Variants in LSM2 observed in about 807,000 individuals in gnomAD.
LSM2 encodes the protein U6 snRNA-associated Sm-like protein LSm2.
LSM2 carries 12 observed loss-of-function variants against 17.0 expected under a neutral mutation model. The observed-to-expected ratio is 0.70, with a 90% CI of 0.45 to 1.14. LSM2 has a LOEUF of 1.14. LSM2 is among the 50% of genes most tolerant of loss of function. The pLI is 0.00. For synonymous variants in LSM2, 42 were observed against 44.5 expected (o/e 0.94, Z 0.22); for missense variants, 62 against 111.8 (o/e 0.55, Z 2.01).
chr6:31,804,769 T>C (rs1011862013), intron 2 of LSM2, among the ~76,000 whole-genome samples: 90 of 125,824 alleles, frequency 7.2e-4, no homozygotes, highest in Non-Finnish European at 8.3e-4. Flanking sequence ...TTTTCTTTTT[T>C]TTTTTTTTTT....
At chr6:31,798,284 T>C (rs1814504592) in intron 3 of LSM2, among the ~76,000 whole-genome samples, 193 bp downstream of exon 3, 2 of 152,118 alleles carry the variant, frequency 1.3e-5, no homozygotes, top group Admixed American at 6.6e-5. Context: ...GGTTTCACCA[T>C]GTTTGTCAGG....
At chr6:31,799,101 G>A (rs2151443970) in intron 2 of LSM2, among the ~76,000 whole-genome samples, 1 of 152,196 alleles carries the variant, frequency 6.6e-6, no homozygotes, top group South Asian at 2.1e-4. Flanking sequence ...ATTCTATATA[G>A]TATTTGTAAT....
At chr6:31,805,956 C>A in intron 2 of LSM2, 119 bp downstream of exon 2, 2 of 845,464 alleles carry the variant, frequency 2.4e-6, no homozygotes, top group Admixed American at 2.4e-5. Flanking sequence ...GCACCCTATC[C>A]ATTTATTTCT....
chr6:31,803,730 AAC>A (rs1814848319), intron 2 of LSM2, among the ~76,000 whole-genome samples: 2 of 152,006 alleles, frequency 1.3e-5, no homozygotes, highest in Admixed American at 1.3e-4. Context: ...ACAGGCGCAC[AAC>A]ACAACATCTG....
chr6:31,806,779 G>A lies in LSM2; in HGVS notation c.-22C>T. 5 of 1,608,534 alleles carry A rather than the reference G, an allele frequency of 3.1e-6. No individual in the cohort carries two copies. Among genetic ancestry groups the A allele is most frequent in the Admixed American group, 1.7e-5 (1 of 58,944 alleles). On this transcript the variant is annotated 5_prime_UTR_variant, in exon 1 of 5. Coordinates refer to ENST00000375661, the MANE Select transcript of LSM2 (RefSeq NM_021177.5). ...CCATGGTGCTGGCGCCGCGGGCAGCGGGCCGGACCGGGAAGACAGCAGGGT... is the reference window on the plus strand; with the variant it reads ...CCATGGTGCTGGCGCCGCGGGCAGCAGGCCGGACCGGGAAGACAGCAGGGT...
chr6:31,805,369 C>CTTT (rs113500265), intron 2 of LSM2, among the ~76,000 whole-genome samples: 2 of 143,422 alleles, frequency 1.4e-5, no homozygotes, highest in Non-Finnish European at 1.5e-5. Context: ...CTAGTACTTA[C>CTTT]TTTTTTTTTT....
chr6:31,802,652 C>T (rs1814786261), intron 2 of LSM2, among the ~76,000 whole-genome samples: 1 of 151,966 alleles, frequency 6.6e-6, no homozygotes, highest in Non-Finnish European at 1.5e-5. Flanking sequence ...GTGGCTCACA[C>T]TTGTAATCCC....
At chr6:31,805,452 C>T (rs1045364195) in intron 2 of LSM2, among the ~76,000 whole-genome samples, 2 of 151,322 alleles carry the variant, frequency 1.3e-5, no homozygotes, top group African/African-American at 4.9e-5. Flanking sequence ...GCAACCTCTG[C>T]CGCCCAGGTT....
intron 2 of LSM2, 122 bp from the exon 3 acceptor site, chr6:31,798,629 AG>A: frequency 9.1e-7 from 1 of 1,099,824 alleles, no homozygotes; most frequent in Non-Finnish European, 1.3e-6. Context: ...ATGTCAGAAA[AG>A]GTAGAACCAA....
At chr6:31,799,566 C>T (rs1814577508) in intron 2 of LSM2, among the ~76,000 whole-genome samples, 1 of 151,824 alleles carries the variant, frequency 6.6e-6, no homozygotes, top group Non-Finnish European at 1.5e-5. Context: ...CCGTGTTAGC[C>T]AGGATGGTCT....
At position 31,797,671 on chromosome 6, in the gene LSM2, C is replaced by G; in HGVS notation, c.*86G>C. 1 of 1,580,302 alleles carries G rather than the reference C, an allele frequency of 6.3e-7. No homozygotes were observed. Among genetic ancestry groups the G allele is most frequent in the Non-Finnish European group, 8.6e-7 (1 of 1,161,342 alleles). ...CATTAGTAAAAAAACAAAACCCCTT[C>G]AAGTATTGGGGGTTAGGGGTTCTGG... On this transcript the variant is annotated 3_prime_UTR_variant, in exon 5 of 5. Transcript: ENST00000375661.
At chr6:31,798,403 A>T in intron 3 of LSM2, 74 bp downstream of exon 3, 1 of 1,559,632 alleles carries the variant, frequency 6.4e-7, no homozygotes, top group Non-Finnish European at 8.8e-7. Context: ...TAGAGACATG[A>T]TGTAAGAACC....
chr6:31,805,178 C>T (rs552557585), intron 2 of LSM2, among the ~76,000 whole-genome samples: 4 of 152,174 alleles, frequency 2.6e-5, no homozygotes, highest in African/African-American at 9.6e-5. Context: ...GATCCTCCCA[C>T]CTCAGCCTCC....
chr6:31,801,545 A>C (rs1406934365), intron 2 of LSM2, among the ~76,000 whole-genome samples: 1 of 152,222 alleles, frequency 6.6e-6, no homozygotes, highest in Non-Finnish European at 1.5e-5. Flanking sequence ...CTGTGATCCC[A>C]GCACTTTGGG....
At chr6:31,800,480 C>CGGT (rs2151445528) in intron 2 of LSM2, among the ~76,000 whole-genome samples, 1 of 152,250 alleles carries the variant, frequency 6.6e-6, no homozygotes, top group Non-Finnish European at 1.5e-5. Context: ...AGGCCATGTG[C>CGGT]GGTGGCTCAT....
chr6:31,800,790 G>A (rs1278529357), intron 2 of LSM2, among the ~76,000 whole-genome samples: 2 of 151,934 alleles, frequency 1.3e-5, no homozygotes, highest in Non-Finnish European at 2.9e-5. Context: ...GGGAGGCTGA[G>A]GTAGAAAAAT....
intron 2 of LSM2, among the ~76,000 whole-genome samples, chr6:31,800,295 C>T (rs545724233): frequency 1.3e-5 from 2 of 152,202 alleles, no homozygotes; most frequent in Admixed American, 6.5e-5. Context: ...GAGATCGAGC[C>T]ACTGCACTCC....
intron 2 of LSM2, among the ~76,000 whole-genome samples, chr6:31,798,733 CTTTTTTT>C (rs9281580): frequency 1.0e-4 from 9 of 89,852 alleles, no homozygotes; most frequent in African/African-American, 3.8e-4. Flanking sequence ...CCAATCCATT[CTTTTTTT>C]TTTTTTTTTT....
chr6:31,806,289 G>C, intron 1 of LSM2, 147 bp from the exon 2 acceptor site: 1 of 784,722 alleles, frequency 1.3e-6, no homozygotes, highest in East Asian at 2.7e-5. Context: ...ATAATTGGTT[G>C]ACAGAGCTGA....
Sources: allele counts gnomAD v4.1 joint callset (sites outside exome capture counted in the v4.1 genomes callset), GRCh38; gene constraint gnomAD v4.1.1; transcripts MANE v1.5; gene names NCBI Gene and HGNC (gene_info 2026-07-23, HGNC 2026-07-21).